Variants in C7orf25 observed in about 807,000 individuals in gnomAD.
C7orf25 encodes the protein chromosome 7 open reading frame 25.
In C7orf25, 14 loss-of-function variants were observed where a neutral mutation model predicts 25.5. That is an observed-to-expected ratio of 0.55 (90% CI 0.36 to 0.86). C7orf25 has a LOEUF of 0.86. C7orf25 is among the 40% of genes least tolerant of loss of function. The pLI is 0.01. For synonymous variants in C7orf25, 184 were observed against 179.9 expected (o/e 1.02, Z -0.18); for missense variants, 405 against 493.9 (o/e 0.82, Z 1.71).
At position 42,910,496 on chromosome 7, in the gene C7orf25, G is replaced by T. The variant is rs762561716; in HGVS notation, c.405C>A (p.Gly135=). 1.8e-5 allele frequency: 29 copies of T among 1,614,094 alleles called. No individual in the cohort carries two copies. The highest frequency in any genetic ancestry group is 2.2e-5 in the Non-Finnish European group (26 of 1,180,032). The stretch of plus-strand genomic sequence containing the variant: ...CAATGATGCTTTTGTCACCATATTG[G>T]CCCCTGCCCAGCCAGATGTTATGAA... ...EALHNIWLGR[G]QYGDKSIIEQ... The change falls in exon 2 of 2, where the codon GGC becomes GGA. Residue 135 remains glycine, a synonymous_variant. Coordinates refer to ENST00000350427, the MANE Select transcript of C7orf25 (RefSeq NM_001099858.2).
chr7:42,910,274 C>G lies in C7orf25; in HGVS notation c.627G>C (p.Glu209Asp). The change falls in exon 2 of 2, where the codon GAG (glutamate) becomes GAC (aspartate). Residue 209 changes from glutamate (E) to aspartate (D), a missense_variant. Coordinates refer to ENST00000350427, the MANE Select transcript of C7orf25 (RefSeq NM_001099858.2). ...CAGGGCCCTCATCATCTGATTCACT[C>G]TCACTTGGTTGAAGCTCTTCAGGGT... ...LDHPEELQPS[E>D]SESDDEGPEL... is the part of the protein sequence containing the mutation. The G allele has an allele frequency of 6.2e-7, 1 of 1,614,218 alleles. No individual in the cohort carries two copies. Among genetic ancestry groups the G allele is most frequent in the East Asian group, 2.2e-5 (1 of 44,882 alleles).
chr7:42,910,861 C>A lies in C7orf25; in HGVS notation c.40G>T (p.Ala14Ser). 1 of 1,614,128 alleles carries A rather than the reference C, an allele frequency of 6.2e-7. No individual in the cohort carries two copies. The highest frequency in any genetic ancestry group is 8.5e-7 in the Non-Finnish European group (1 of 1,180,048). ...TCTGCTCTCTTGATCAGTTCCTTGG[C>A]TATGGCGATTCGTTCACAGAGCATG... ...HSMLCERIAI[A>S]KELIKRAESL... Residue 14 changes from alanine (A) to serine (S), a missense_variant, in exon 2 of 2, where the codon GCC becomes TCC. Transcript: ENST00000350427.
chr7:42,910,444 T>G lies in C7orf25; in HGVS notation c.457A>C (p.Ser153Arg), dbSNP rs775810617. 1 of 1,614,286 alleles carries G rather than the reference T, an allele frequency of 6.2e-7. No homozygotes were observed. The change falls in exon 2 of 2, where the codon AGT (serine) becomes CGT (arginine). Residue 153 changes from serine to arginine, a missense_variant. Physicochemically the swap from Ser to Arg is moderately radical, Grantham distance 110 (BLOSUM62 -1). Coordinates refer to ENST00000350427, the MANE Select transcript of C7orf25 (RefSeq NM_001099858.2). ...IEQAEDFLQASHQQPVQYSNP... is the reference protein window; with the variant it reads ...IEQAEDFLQARHQQPVQYSNP... ...CTATACTGCACTGGCTGCTGGTGACTGGCCTGGAGGAAGTCTTCAGCCTGC... is the reference window on the plus strand; with the variant it reads ...CTATACTGCACTGGCTGCTGGTGACGGGCCTGGAGGAAGTCTTCAGCCTGC...
chr7:42,909,902 T>G lies in C7orf25; in HGVS notation c.999A>C (p.Arg333=). The G allele has an allele frequency of 6.2e-7, 1 of 1,614,190 alleles. No individual in the cohort carries two copies. Among genetic ancestry groups the G allele is most frequent in the Non-Finnish European group, 8.5e-7 (1 of 1,180,032 alleles). The stretch of plus-strand genomic sequence containing the variant: ...AAGGCTGGTCTGGTACCACATTAAT[T>G]CGCTTAATTAACACAGTGGCCCTCT... The part of the protein sequence containing the change: ...ERERATVLIK[R]INVVPDQPSE... Residue 333 remains arginine, a synonymous_variant, in exon 2 of 2, where the codon CGA becomes CGC. Transcript: ENST00000350427.
chr7:42,911,841 C>G (rs1785912265), intron 1 of C7orf25, 74 bp downstream of exon 1: 1 of 1,325,664 alleles, frequency 7.5e-7, no homozygotes, highest in African/African-American at 1.5e-5. Context: ...CCGGGCCGGC[C>G]CTGCCCAGCC....
chr7:42,910,923 TA>T lies in C7orf25; in HGVS notation c.-21-3del. 6.2e-7 allele frequency: 1 copy of T among 1,610,584 alleles called. No homozygotes were observed. Among genetic ancestry groups the T allele is most frequent in the East Asian group, 2.2e-5 (1 of 44,872 alleles). ...CATGCTGTCAGCATTATTCCTTTCC[TA>T]GGGAAAGAAACAAGGCAAACTTCAG... On this transcript the variant is annotated splice_region_variant and splice_polypyrimidine_tract_variant and intron_variant, in intron 1 of 1. Coordinates refer to ENST00000350427, the MANE Select transcript of C7orf25 (RefSeq NM_001099858.2).
At chr7:42,911,137 GAC>G in intron 1 of C7orf25, 1 of 841,000 alleles carries the variant, frequency 1.2e-6, no homozygotes, top group Non-Finnish European at 1.9e-6. Flanking sequence ...AGGTACGTCT[GAC>G]ACACTTTAGA....
At position 42,910,501 on chromosome 7, in the gene C7orf25, T is replaced by C. The variant is rs1373890041; in HGVS notation, c.400A>G (p.Arg134Gly). The stretch of plus-strand genomic sequence containing the variant: ...ATGCTTTTGTCACCATATTGGCCCC[T>C]GCCCAGCCAGATGTTATGAAGAGCT... ...AEALHNIWLG[R>G]GQYGDKSIIE... Residue 134 changes from arginine (R) to glycine (G), a missense_variant, in exon 2 of 2, where the codon AGG becomes GGG. Coordinates refer to ENST00000350427, the MANE Select transcript of C7orf25 (RefSeq NM_001099858.2). The C allele has an allele frequency of 2.5e-6, 4 of 1,614,160 alleles. No homozygotes were observed. The highest frequency in any genetic ancestry group is 2.7e-5 in the African/African-American group (2 of 74,958).
At chr7:42,911,538 AGACCACCAACTTGC>A in intron 1 of C7orf25, 1 of 1,001,528 alleles carries the variant, frequency 1.0e-6, no homozygotes, top group African/African-American at 1.7e-5. Context: ...AGACCGAAGA[AGACCACCAACTTGC>A]GTCCCACTCC....
intron 1 of C7orf25, chr7:42,911,636 G>T: frequency 9.2e-7 from 1 of 1,090,768 alleles, no homozygotes; most frequent in Non-Finnish European, 1.1e-6. Context: ...CCGTGCAAGC[G>T]GCCCCAGCGC....
rs1403394949 is a variant in C7orf25 at position 42,909,972 on chromosome 7, T to G, written c.929A>C (p.Asp310Ala). 1 of 1,614,156 alleles carries G rather than the reference T, an allele frequency of 6.2e-7. No homozygotes were observed. Among genetic ancestry groups the G allele is most frequent in the Admixed American group, 1.7e-5 (1 of 60,020 alleles). Residue 310 changes from aspartate (D) to alanine (A), a missense_variant, in exon 2 of 2, where the codon GAC (aspartate) becomes GCC (alanine). Coordinates refer to ENST00000350427, the MANE Select transcript of C7orf25 (RefSeq NM_001099858.2). ...ELFACESAVK[D>A]FQSILDTLGG... ...TAAGGTATCTAAAATAGACTGAAAG[T>G]CCTTGACAGCAGATTCACAAGCAAA...
In C7orf25 at chr7:42,909,870, C is replaced by T. The variant is rs763368348; in HGVS notation, c.1031G>A (p.Arg344His). The change falls in exon 2 of 2, where the codon CGT becomes CAT. Residue 344 changes from arginine to histidine, a missense_variant. Physicochemically the swap from Arg to His is conservative, Grantham distance 29. Transcript: ENST00000350427. ...INVVPDQPSE[R>H]ALRLVASSKI... ...TGAACTGGCCACTAGTCTCAAGGCA[C>T]GCTCAGAAGGCTGGTCTGGTACCAC... 6 of 1,614,074 alleles carry T rather than the reference C, an allele frequency of 3.7e-6. No homozygotes were observed. Among genetic ancestry groups the T allele is most frequent in the African/African-American group, 2.7e-5 (2 of 74,918 alleles).
rs1403394949 is a variant in C7orf25, at chr7:42,909,972, T to A, written c.929A>T (p.Asp310Val). 3.1e-6 allele frequency: 5 copies of A among 1,614,156 alleles called. No homozygotes were observed. The highest frequency in any genetic ancestry group is 1.6e-4 in the Middle Eastern group (1 of 6,062). ...ELFACESAVKDFQSILDTLGG... is the reference protein window; with the variant it reads ...ELFACESAVKVFQSILDTLGG... ...TAAGGTATCTAAAATAGACTGAAAG[T>A]CCTTGACAGCAGATTCACAAGCAAA... Residue 310 changes from aspartate to valine, a missense_variant, in exon 2 of 2, where the codon GAC becomes GTC. By Grantham distance (152) the Asp-to-Val change is radical. Transcript: ENST00000350427.
chr7:42,910,813 C>T lies in C7orf25; in HGVS notation c.88G>A (p.Gly30Ser), dbSNP rs1399575078. 1 of 1,614,194 alleles carries T rather than the reference C, an allele frequency of 6.2e-7. No individual in the cohort carries two copies. Among genetic ancestry groups the T allele is most frequent in the Admixed American group, 1.7e-5 (1 of 60,022 alleles). The stretch of plus-strand genomic sequence containing the variant: ...AGCTTTGCACCACCTTCTATGCCAC[C>T]TTTTCTTGATCTAGAAAGTGATTCT... ...RAESLSRSRK[G>S]GIEGGAKLCS... Residue 30 changes from glycine to serine, a missense_variant, in exon 2 of 2, where the codon GGT (glycine) becomes AGT (serine). Coordinates refer to ENST00000350427, the MANE Select transcript of C7orf25 (RefSeq NM_001099858.2).
chr7:42,911,718 G>A (rs7782231), intron 1 of C7orf25, 197 bp downstream of exon 1: 30 of 1,188,446 alleles, frequency 2.5e-5, no homozygotes, highest in South Asian at 8.5e-5. Flanking sequence ...GGCCCTGCCC[G>A]GCCACCTGCA....
In C7orf25 at chr7:42,910,925, G is replaced by A. The variant is rs577661285; in HGVS notation, c.-21-4C>T. 8.1e-6 allele frequency: 13 copies of A among 1,610,154 alleles called. No individual in the cohort carries two copies. The South Asian group carries it at 8.8e-5, about 11-fold the overall frequency. ...TGCTGTCAGCATTATTCCTTTCCTA[G>A]GGAAAGAAACAAGGCAAACTTCAGT... On this transcript the variant is annotated splice_region_variant and splice_polypyrimidine_tract_variant and intron_variant, in intron 1 of 1. Transcript: ENST00000350427.
chr7:42,911,048 G>T (rs1489153628), intron 1 of C7orf25, 127 bp from the exon 2 acceptor site: 2 of 1,451,922 alleles, frequency 1.4e-6, no homozygotes, highest in Non-Finnish European at 1.9e-6. Flanking sequence ...ACCCGGGCTT[G>T]TGTATGTCTC....
At position 42,910,958 on chromosome 7, in the gene C7orf25, T is replaced by C. The variant is rs763757041; in HGVS notation, c.-21-37A>G. On this transcript the variant is annotated intron_variant, in intron 1 of 1. Coordinates refer to ENST00000350427, the MANE Select transcript of C7orf25 (RefSeq NM_001099858.2). The stretch of plus-strand genomic sequence containing the variant: ...AACAAGGCAAACTTCAGTAGTCTCC[T>C]AAAATTATGACAATCAATTCTTCAC... 2.5e-6 allele frequency: 4 copies of C among 1,605,060 alleles called. No individual in the cohort carries two copies. In the Admixed American group the frequency reaches 5.0e-5, roughly 20 times the overall value.
At position 42,910,793 on chromosome 7, in the gene C7orf25, T is replaced by C. The variant is rs373871224; in HGVS notation, c.108A>G (p.Ala36=). ...RSRKGGIEGG[A]KLCSKLKAEL... The stretch of plus-strand genomic sequence containing the variant: ...CTGCCTTCAATTTGCTGCACAGCTT[T>C]GCACCACCTTCTATGCCACCTTTTC... Residue 36 remains alanine, a synonymous_variant, in exon 2 of 2, where the codon GCA becomes GCG. Transcript: ENST00000350427. The C allele has an allele frequency of 6.2e-6, 10 of 1,614,140 alleles. No individual in the cohort carries two copies. In the African/African-American group the frequency reaches 9.3e-5, roughly 15 times the overall value.
Sources: allele counts gnomAD v4.1 joint callset, GRCh38; gene constraint gnomAD v4.1.1; transcripts MANE v1.5; gene names NCBI Gene and HGNC (gene_info 2026-07-23, HGNC 2026-07-21).